Variants in ATP11A observed in about 807,000 individuals in gnomAD.
ATP11A encodes ATPase phospholipid transporting 11A.
Under a neutral mutation model 154.4 loss-of-function variants are expected in ATP11A, and 81 were observed. That is an observed-to-expected ratio of 0.52 (90% CI 0.44 to 0.63). The LOEUF is 0.63. Ranked by LOEUF, ATP11A falls within the 30% of genes least tolerant of loss-of-function variation. The pLI, the probability that ATP11A is intolerant of heterozygous loss-of-function variation, is 0.00. For missense variants in ATP11A, 1,316 were observed against 1,474.3 expected (o/e 0.89, Z 1.76); for synonymous variants, 623 against 585.9 (o/e 1.06, Z -0.91).
intron 29 of ATP11A, chr13:112,881,562 G>A: frequency 3.5e-6 from 4 of 1,156,086 alleles, no homozygotes; most frequent in Non-Finnish European, 4.3e-6. Flanking sequence ...TGGTGGGACA[G>A]GGGGACGGTC....
rs149199497 is a variant in ATP11A at position 112,700,393 on chromosome 13, G to A, written c.39+9938G>A. ...CAGAGAGAGAAGGGGCTGCCGTCCG[G>A]CATGTCTGGGAGGCTGGGTCCTTCC... On this transcript the variant is annotated intron_variant, in intron 1 of 29. Transcript: ENST00000375645. 3.3e-3 allele frequency among the ~76,000 whole-genome samples: 500 copies of A among 152,290 alleles called. 7 individuals are homozygous for A. The highest frequency in any genetic ancestry group is 0.032 in the East Asian group (165 of 5,160).
intron 1 of ATP11A, among the ~76,000 whole-genome samples, chr13:112,747,998 C>T (rs1451867075): frequency 6.6e-6 from 1 of 152,162 alleles, no homozygotes; most frequent in Admixed American, 6.5e-5. Flanking sequence ...AGCATGATGC[C>T]ACAAGTGGAA....
At chr13:112,865,064 G>GT in intron 25 of ATP11A, among the ~76,000 whole-genome samples, 2 of 129,932 alleles carry the variant, frequency 1.5e-5, no homozygotes, top group Non-Finnish European at 1.6e-5. Flanking sequence ...CAGCTTCCCA[G>GT]CGGGATCCAT....
chr13:112,786,106 AAACCCACGCACAC>A (rs1281920708), intron 2 of ATP11A, among the ~76,000 whole-genome samples: 2 of 66,652 alleles, frequency 3.0e-5, no homozygotes, highest in Non-Finnish European at 5.7e-5. Flanking sequence ...TGGATGAGCT[AAACCCACGCACAC>A]GCGTGGACGG....
chr13:112,790,182 A>G (rs931310727), intron 2 of ATP11A, among the ~76,000 whole-genome samples: 2 of 137,950 alleles, frequency 1.4e-5, no homozygotes, highest in South Asian at 2.7e-4. Flanking sequence ...GTAGACTCCT[A>G]TGTAGACCTA....
chr13:112,839,539 C>A (rs2079335101), intron 16 of ATP11A, among the ~76,000 whole-genome samples: 1 of 152,172 alleles, frequency 6.6e-6, no homozygotes, highest in Admixed American at 6.5e-5. Context: ...GCAGTAAGCC[C>A]TTCTTGGTCC....
At chr13:112,822,668 C>T (rs1285155750) in intron 8 of ATP11A, among the ~76,000 whole-genome samples, 1 of 151,286 alleles carries the variant, frequency 6.6e-6, no homozygotes, top group African/African-American at 2.4e-5. Context: ...TCAAGTTCAC[C>T]TGAGCCCAGG....
At chr13:112,781,124 C>T (rs2077488370) in intron 1 of ATP11A, among the ~76,000 whole-genome samples, 1 of 152,144 alleles carries the variant, frequency 6.6e-6, no homozygotes, top group South Asian at 2.1e-4. Flanking sequence ...CTGCAACCTC[C>T]ACCTCCGGGT....
At chr13:112,878,167 C>A in intron 28 of ATP11A, 50 bp from the exon 29 acceptor site, 1 of 1,550,192 alleles carries the variant, frequency 6.5e-7, no homozygotes, top group Non-Finnish European at 8.9e-7. Context: ...TAAATCCTCA[C>A]ACCTTGTTCA....
intron 5 of ATP11A, 37 bp from the exon 6 acceptor site, chr13:112,816,046 G>A: frequency 6.2e-7 from 1 of 1,612,744 alleles, no homozygotes; most frequent in Non-Finnish European, 8.5e-7. Context: ...TCACGGAGGG[G>A]CTTTCCATTG....
chr13:112,827,325 C>T (rs1220475136), intron 12 of ATP11A, among the ~76,000 whole-genome samples: 1 of 152,258 alleles, frequency 6.6e-6, no homozygotes, highest in Non-Finnish European at 1.5e-5. Flanking sequence ...GATCCTGCTG[C>T]TGCATGATGG....
At chr13:112,864,831 C>G (rs375469070) in intron 25 of ATP11A, among the ~76,000 whole-genome samples, 4 of 79,892 alleles carry the variant, frequency 5.0e-5, no homozygotes, top group Non-Finnish European at 5.0e-5. Context: ...TTCAGTGCAG[C>G]CCATGCAGCT....
chr13:112,724,944 C>T (rs1889656382), intron 1 of ATP11A, among the ~76,000 whole-genome samples: 2 of 152,216 alleles, frequency 1.3e-5, no homozygotes, highest in African/African-American at 4.8e-5. Flanking sequence ...ACCCCTGCGG[C>T]CATGCCTGTG....
chr13:112,773,013 C>T (rs930538611), intron 1 of ATP11A, among the ~76,000 whole-genome samples: 11 of 152,170 alleles, frequency 7.2e-5, no homozygotes, highest in South Asian at 2.1e-4. Flanking sequence ...AGTGTGTCCA[C>T]GTGGGCCATA....
chr13:112,691,483 G>GGGTGT (rs1555299698), intron 1 of ATP11A, among the ~76,000 whole-genome samples: 2 of 125,140 alleles, frequency 1.6e-5, no homozygotes, highest in Admixed American at 8.8e-5. Flanking sequence ...AAAAAAAAAG[G>GGGTGT]GTGTGTGTGT....
chr13:112,698,909 G>C (rs1368656272), intron 1 of ATP11A, among the ~76,000 whole-genome samples: 1 of 152,008 alleles, frequency 6.6e-6, no homozygotes, highest in Non-Finnish European at 1.5e-5. Context: ...TGTATTTTTA[G>C]TAGAGACAGG....
intron 1 of ATP11A, among the ~76,000 whole-genome samples, chr13:112,749,769 C>T (rs1321865958): frequency 2.1e-5 from 3 of 142,770 alleles, no homozygotes; most frequent in Admixed American, 7.0e-5. Context: ...CATCCTCCCA[C>T]GTGGGGACAC....
intron 1 of ATP11A, among the ~76,000 whole-genome samples, chr13:112,764,086 G>GAGT (rs1230502018): frequency 6.6e-6 from 1 of 152,236 alleles, no homozygotes; most frequent in African/African-American, 2.4e-5. Flanking sequence ...GTGTTACCAG[G>GAGT]AGTTGTTAGG....
chr13:112,750,039 C>T (rs2076657183), intron 1 of ATP11A, among the ~76,000 whole-genome samples: 2 of 92,896 alleles, frequency 2.2e-5, no homozygotes, highest in Non-Finnish European at 4.1e-5. Context: ...AGGAGAGTCT[C>T]CATCCTCCCA....
Sources: gnomAD v4.1 joint callset for allele counts (sites outside exome capture counted in the v4.1 genomes callset) on GRCh38, gnomAD v4.1.1 for gene constraint, MANE v1.5 for transcripts, NCBI Gene and HGNC (gene_info 2026-07-23, HGNC 2026-07-21) for gene names.